Variants in DLGAP1 observed in about 807,000 individuals in gnomAD.
DLGAP1 encodes the protein disks large-associated protein 1.
In DLGAP1, 11 loss-of-function variants were observed where a neutral mutation model predicts 90.8. The observed-to-expected ratio is 0.12, with a 90% CI of 0.08 to 0.20. The LOEUF (loss-of-function observed/expected upper bound fraction) is 0.20, where lower values mean the gene tolerates loss of function less well. Among genes scored for constraint, DLGAP1 ranks in the 10% least tolerant of loss-of-function variants. The probability of loss-of-function intolerance (pLI) is 1.00; values close to 1 mark genes in which losing one functional copy is unlikely to be tolerated. For synonymous variants in DLGAP1, 558 were observed against 540.7 expected (o/e 1.03, Z -0.44); for missense variants, 1,050 against 1,333.8 (o/e 0.79, Z 3.31).
chr18:3,696,302 G>A (rs2061089711), intron 7 of DLGAP1, among the ~76,000 whole-genome samples: 1 of 152,066 alleles, frequency 6.6e-6, no homozygotes, highest in African/African-American at 2.4e-5. Context: ...CCTCCAGCTT[G>A]TGCCCATTCA....
intron 7 of DLGAP1, among the ~76,000 whole-genome samples, chr18:3,718,652 A>G (rs1439413726): frequency 6.6e-6 from 1 of 150,568 alleles, no homozygotes; most frequent in Admixed American, 6.6e-5. Flanking sequence ...ATGGCCAGGC[A>G]CGGTGGCTCA....
At chr18:4,416,514 T>C (rs966842884) in intron 1 of DLGAP1, among the ~76,000 whole-genome samples, 1 of 152,218 alleles carries the variant, frequency 6.6e-6, no homozygotes, top group African/African-American at 2.4e-5. Flanking sequence ...CATGAGCTTT[T>C]AAAAAGTATT....
chr18:4,336,204 A>C (rs1367148254), intron 1 of DLGAP1, among the ~76,000 whole-genome samples: 1 of 152,202 alleles, frequency 6.6e-6, no homozygotes, highest in African/African-American at 2.4e-5. Context: ...TGCACCATAC[A>C]ACTCCATTCT....
chr18:3,995,979 T>C (rs973678506), intron 3 of DLGAP1, among the ~76,000 whole-genome samples: 3 of 152,258 alleles, frequency 2.0e-5, no homozygotes, highest in Admixed American at 2.0e-4. Context: ...CCTAATATTT[T>C]TGAGCACCTA....
chr18:3,968,303 T>C (rs1304036661), intron 3 of DLGAP1, among the ~76,000 whole-genome samples: 1 of 152,168 alleles, frequency 6.6e-6, no homozygotes, highest in Non-Finnish European at 1.5e-5. Context: ...CTTACCCCAA[T>C]TTCACATCAT....
chr18:4,288,445 GT>G (rs1386749396), intron 1 of DLGAP1, among the ~76,000 whole-genome samples: 5 of 152,144 alleles, frequency 3.3e-5, no homozygotes, highest in Non-Finnish European at 7.3e-5. Context: ...GCTGTTATAT[GT>G]TCGTTTCTTC....
At chr18:4,113,604 C>T (rs2076011562) in intron 2 of DLGAP1, among the ~76,000 whole-genome samples, 1 of 152,072 alleles carries the variant, frequency 6.6e-6, no homozygotes, top group South Asian at 2.1e-4. Flanking sequence ...TATGGCTGTA[C>T]AGAAACTCTT....
chr18:3,763,562 T>C (rs1443702203), intron 5 of DLGAP1, among the ~76,000 whole-genome samples: 2 of 152,236 alleles, frequency 1.3e-5, no homozygotes, highest in African/African-American at 2.4e-5. Context: ...TGGTAAGCTC[T>C]TTTTGGGTGA....
chr18:3,541,066 G>T (rs1057475731), intron 9 of DLGAP1, among the ~76,000 whole-genome samples: 1 of 152,164 alleles, frequency 6.6e-6, no homozygotes, highest in East Asian at 1.9e-4. Context: ...CAACTGGAAG[G>T]TTAGGTCACT....
At chr18:3,873,530 A>T (rs1198255896) in intron 4 of DLGAP1, among the ~76,000 whole-genome samples, 1 of 152,224 alleles carries the variant, frequency 6.6e-6, no homozygotes, top group East Asian at 1.9e-4. Flanking sequence ...CAGCACTTTC[A>T]TAAATTGCAT....
chr18:3,594,344 C>A (rs2056454614), intron 7 of DLGAP1: 1 of 141,844 alleles, frequency 7.1e-6, no homozygotes, highest in Non-Finnish European at 1.5e-5. Flanking sequence ...TCCCACACCC[C>A]CCTCCCTCCC....
intron 5 of DLGAP1, among the ~76,000 whole-genome samples, chr18:3,788,204 T>C (rs1188532828): frequency 1.3e-5 from 2 of 152,204 alleles, no homozygotes; most frequent in African/African-American, 2.4e-5. Flanking sequence ...ATCTGAAACA[T>C]GAGAGTTGGA....
chr18:4,140,563 T>C (rs1325918972), intron 2 of DLGAP1, among the ~76,000 whole-genome samples: 1 of 151,986 alleles, frequency 6.6e-6, no homozygotes, highest in Admixed American at 6.6e-5. Context: ...GAATAGTTTA[T>C]ACACCACAAT....
chr18:3,862,682 A>G (rs1163078093), intron 4 of DLGAP1, among the ~76,000 whole-genome samples: 2 of 152,222 alleles, frequency 1.3e-5, no homozygotes, highest in African/African-American at 4.8e-5. Context: ...CCCCAGGCCC[A>G]TGTTAGTCCT....
chr18:3,927,500 A>C (rs2072418667), intron 3 of DLGAP1, among the ~76,000 whole-genome samples: 1 of 152,244 alleles, frequency 6.6e-6, no homozygotes, highest in African/African-American at 2.4e-5. Flanking sequence ...CAAAATCATA[A>C]AGGTGCCATC....
At chr18:4,195,304 G>A (rs576881000) in intron 1 of DLGAP1, among the ~76,000 whole-genome samples, 40 of 152,100 alleles carry the variant, frequency 2.6e-4, no homozygotes, top group African/African-American at 9.2e-4. Flanking sequence ...GAGCAACTAT[G>A]CTTGGATAAA....
At chr18:4,262,750 T>C (rs1300285986) in intron 1 of DLGAP1, among the ~76,000 whole-genome samples, 1 of 152,114 alleles carries the variant, frequency 6.6e-6, no homozygotes, top group Non-Finnish European at 1.5e-5. Context: ...TAGTTATGTG[T>C]CCCTGGCAAA....
chr18:3,870,865 C>G (rs150735337), intron 4 of DLGAP1, among the ~76,000 whole-genome samples: 231 of 152,254 alleles, frequency 1.5e-3, no homozygotes, highest in African/African-American at 5.3e-3. Flanking sequence ...CGTGGTTTAC[C>G]ATGATCCAGG....
chr18:4,161,235 G>A (rs5017258), intron 1 of DLGAP1, among the ~76,000 whole-genome samples: 3 of 151,610 alleles, frequency 2.0e-5, no homozygotes, highest in Admixed American at 2.0e-4. Context: ...TCTCCCTCCC[G>A]CCACCTTTCC....
Sources: allele counts gnomAD v4.1 joint callset (sites outside exome capture counted in the v4.1 genomes callset), GRCh38; gene constraint gnomAD v4.1.1; transcripts MANE v1.5; gene names NCBI Gene and HGNC (gene_info 2026-07-23, HGNC 2026-07-21).